Variants in MACROD2 observed in about 807,000 individuals in gnomAD.
The protein encoded by MACROD2 is mono-ADP ribosylhydrolase 2.
MACROD2 carries 36 observed loss-of-function variants against 70.4 expected under a neutral mutation model. That is an observed-to-expected ratio of 0.51 (90% CI 0.39 to 0.68). The LOEUF is 0.68. Ranked by LOEUF, MACROD2 falls within the 30% of genes least tolerant of loss-of-function variation. The pLI is 0.00. For missense variants in MACROD2, 496 were observed against 538.4 expected (o/e 0.92, Z 0.78); for synonymous variants, 172 against 178.8 (o/e 0.96, Z 0.30).
intron 13 of MACROD2, among the ~76,000 whole-genome samples, chr20:15,977,342 T>G (rs2066322362): frequency 6.6e-6 from 1 of 152,196 alleles, no homozygotes; most frequent in South Asian, 2.1e-4. Context: ...GCTATGAACC[T>G]AGGAGATTAT....
intron 5 of MACROD2, among the ~76,000 whole-genome samples, chr20:15,164,855 C>G (rs888794520): frequency 1.6e-4 from 25 of 152,136 alleles, no homozygotes; most frequent in African/African-American, 5.8e-4. Context: ...GAACTGTGGT[C>G]AGGCCACTAC....
intron 4 of MACROD2, among the ~76,000 whole-genome samples, chr20:14,661,806 CA>C (rs1424585605): frequency 6.6e-6 from 1 of 150,506 alleles, no homozygotes; most frequent in African/African-American, 2.5e-5. Context: ...CAATTCTTTT[CA>C]AAAAACACAT....
At chr20:16,002,632 G>T (rs1369985579) in intron 15 of MACROD2, among the ~76,000 whole-genome samples, 1 of 152,198 alleles carries the variant, frequency 6.6e-6, no homozygotes, top group African/African-American at 2.4e-5. Context: ...AGAAACCGTA[G>T]TAGGTAATCA....
chr20:15,837,471 C>T (rs1457337964), intron 8 of MACROD2, among the ~76,000 whole-genome samples: 1 of 152,134 alleles, frequency 6.6e-6, no homozygotes, highest in Non-Finnish European at 1.5e-5. Context: ...TCACAAGAAC[C>T]CCTCGAGGGC....
At chr20:15,520,637 T>C (rs1278662610) in intron 8 of MACROD2, among the ~76,000 whole-genome samples, 1 of 152,046 alleles carries the variant, frequency 6.6e-6, no homozygotes, top group African/African-American at 2.4e-5. Context: ...GAGGGTAGAG[T>C]GAACAGAGGA....
chr20:15,114,957 C>A (rs1345611549), intron 5 of MACROD2, among the ~76,000 whole-genome samples: 1 of 152,112 alleles, frequency 6.6e-6, no homozygotes, highest in South Asian at 2.1e-4. Flanking sequence ...GTGTTTGGAG[C>A]TGACTGATCC....
chr20:15,411,923 T>G (rs927778845), intron 6 of MACROD2, among the ~76,000 whole-genome samples: 1 of 152,158 alleles, frequency 6.6e-6, no homozygotes, highest in African/African-American at 2.4e-5. Context: ...GAGTGGGTGT[T>G]GGATGGAAGT....
At chr20:15,097,675 A>G (rs2075844034) in intron 5 of MACROD2, among the ~76,000 whole-genome samples, 1 of 152,194 alleles carries the variant, frequency 6.6e-6, no homozygotes, top group South Asian at 2.1e-4. Context: ...AAGTACAACA[A>G]AAATATGCAA....
chr20:14,760,855 A>G (rs1312800689), intron 5 of MACROD2, among the ~76,000 whole-genome samples: 1 of 152,154 alleles, frequency 6.6e-6, no homozygotes, highest in Non-Finnish European at 1.5e-5. Context: ...CAGCTGTTCA[A>G]AATCGAGCCC....
At chr20:14,919,116 T>C (rs955163254) in intron 5 of MACROD2, among the ~76,000 whole-genome samples, 1 of 152,196 alleles carries the variant, frequency 6.6e-6, no homozygotes, top group African/African-American at 2.4e-5. Context: ...ACTCTCTCTG[T>C]GTTCATTCTC....
intron 5 of MACROD2, among the ~76,000 whole-genome samples, chr20:14,837,330 A>C (rs1203681714): frequency 1.3e-5 from 2 of 152,200 alleles, no homozygotes; most frequent in African/African-American, 4.8e-5. Context: ...TGTTAAAAAA[A>C]AATCTTGTTG....
chr20:15,543,807 C>T (rs1269937087), intron 8 of MACROD2, among the ~76,000 whole-genome samples: 1 of 152,194 alleles, frequency 6.6e-6, no homozygotes. Flanking sequence ...TAGGTCTGGC[C>T]AGGCCAACTA....
At chr20:14,124,100 G>A (rs1312599062) in intron 3 of MACROD2, among the ~76,000 whole-genome samples, 1 of 152,040 alleles carries the variant, frequency 6.6e-6, no homozygotes, top group Admixed American at 6.6e-5. Context: ...TTCAAAGGAC[G>A]ATTTGTTTCT....
chr20:14,157,771 A>G (rs1601292238), intron 3 of MACROD2, among the ~76,000 whole-genome samples: 1 of 152,180 alleles, frequency 6.6e-6, no homozygotes, highest in Admixed American at 6.5e-5. Flanking sequence ...ATTCTTTGTT[A>G]TAGCCAAATA....
chr20:15,778,364 A>G (rs1337391590), intron 8 of MACROD2, among the ~76,000 whole-genome samples: 2 of 152,136 alleles, frequency 1.3e-5, no homozygotes, highest in African/African-American at 2.4e-5. Flanking sequence ...ACATTTGATC[A>G]TGGCATATTT....
At chr20:15,764,837 A>G (rs1173870191) in intron 8 of MACROD2, among the ~76,000 whole-genome samples, 2 of 152,042 alleles carry the variant, frequency 1.3e-5, no homozygotes, top group African/African-American at 4.8e-5. Context: ...ATAAAGTCTA[A>G]ATTTCTCATC....
chr20:14,119,135 A>G (rs1052600502), intron 3 of MACROD2, among the ~76,000 whole-genome samples: 1 of 140,246 alleles, frequency 7.1e-6, no homozygotes, highest in African/African-American at 2.7e-5. Flanking sequence ...GGCGTGAGCC[A>G]CCGCGCCTGG....
chr20:14,253,726 G>T (rs187275204), intron 3 of MACROD2, among the ~76,000 whole-genome samples: 7 of 152,166 alleles, frequency 4.6e-5, no homozygotes, highest in African/African-American at 1.7e-4. Flanking sequence ...CTCTGGATTT[G>T]AAATTCTGTG....
intron 8 of MACROD2, among the ~76,000 whole-genome samples, chr20:15,847,061 T>C (rs868611656): frequency 3.3e-5 from 5 of 152,178 alleles, no homozygotes; most frequent in Admixed American, 2.6e-4. Context: ...TTAAATTACA[T>C]AGAAAAAATA....
Sources: allele counts gnomAD v4.1 joint callset (sites outside exome capture counted in the v4.1 genomes callset), GRCh38; gene constraint gnomAD v4.1.1; transcripts MANE v1.5; gene names NCBI Gene and HGNC (gene_info 2026-07-23, HGNC 2026-07-21).